Variants in CASK observed in about 807,000 individuals in gnomAD.
CASK encodes calcium/calmodulin dependent serine protein kinase, also known as peripheral plasma membrane protein CASK.
Under a neutral mutation model 82.9 loss-of-function variants are expected in CASK, and 4 were observed. The observed-to-expected ratio is 0.05, with a 90% CI of 0.02 to 0.11. CASK has a LOEUF of 0.11. CASK is among the 10% of genes least tolerant of loss of function. The pLI is 1.00. For synonymous variants in CASK, 259 were observed against 253.5 expected (o/e 1.02, Z -0.20); for missense variants, 358 against 720.9 (o/e 0.50, Z 5.76).
intron 15 of CASK, among the ~76,000 whole-genome samples, chrX:41,572,802 ATC>A (rs1272017629): frequency 1.8e-5 from 2 of 111,462 alleles, no homozygotes; most frequent in African/African-American, 6.5e-5. Flanking sequence ...TCAGATTTCA[ATC>A]TGTTATCGTT....
chrX:41,532,596 T>A (rs1401424033), intron 24 of CASK, among the ~76,000 whole-genome samples: 1 of 110,271 alleles, frequency 9.1e-6, no homozygotes, highest in African/African-American at 3.3e-5. Context: ...TCCCTTTTTT[T>A]CCCTCTCTCT....
intron 5 of CASK, among the ~76,000 whole-genome samples, chrX:41,706,437 T>C (rs767553145): frequency 2.1e-4 from 24 of 111,694 alleles, no homozygotes; most frequent in African/African-American, 6.2e-4. Flanking sequence ...TCTTTCTACA[T>C]CCTTTTAAGC....
chrX:41,867,803 G>C (rs2071618344), intron 1 of CASK, among the ~76,000 whole-genome samples: 1 of 112,206 alleles, frequency 8.9e-6, no homozygotes, highest in African/African-American at 3.2e-5. Context: ...TACAAAATCA[G>C]CTGTGACAAT....
At chrX:41,770,313 TATCCATCCATCC>T (rs772189964) in intron 3 of CASK, among the ~76,000 whole-genome samples, 1,213 of 95,706 alleles carry the variant, frequency 0.013, 19 homozygotes, top group African/African-American at 0.032. Context: ...CCTACCTACC[TATCCATCCATCC>T]ATCCATCCAT....
intron 5 of CASK, among the ~76,000 whole-genome samples, chrX:41,694,154 T>C (rs2067634522): frequency 8.9e-6 from 1 of 112,503 alleles, no homozygotes; most frequent in African/African-American, 3.2e-5. Flanking sequence ...TCAAAAGGTG[T>C]TTATTAAAGC....
At chrX:41,580,075 C>T (rs2065549938) in intron 14 of CASK, among the ~76,000 whole-genome samples, 1 of 111,604 alleles carries the variant, frequency 9.0e-6, no homozygotes, top group Non-Finnish European at 1.9e-5. Flanking sequence ...CACCAGTGCC[C>T]TAACTGCACC....
At chrX:41,692,800 C>T (rs773511998) in intron 5 of CASK, among the ~76,000 whole-genome samples, 4 of 111,854 alleles carry the variant, frequency 3.6e-5, no homozygotes, top group African/African-American at 9.8e-5. Flanking sequence ...TCAGACATCA[C>T]GTATCTAGGA....
intron 1 of CASK, among the ~76,000 whole-genome samples, chrX:41,894,711 T>C (rs748776225): frequency 2.3e-4 from 24 of 106,586 alleles, no homozygotes; most frequent in African/African-American, 8.3e-4. Context: ...CAGAATTCAA[T>C]AGGGAGCTTC....
intron 2 of CASK, among the ~76,000 whole-genome samples, chrX:41,832,525 G>A (rs1183334902): frequency 8.9e-6 from 1 of 112,445 alleles, no homozygotes; most frequent in African/African-American, 3.2e-5. Flanking sequence ...ACACCCAAGA[G>A]AACTGAAAAC....
At chrX:41,560,650 G>C (rs756407433) in intron 17 of CASK, among the ~76,000 whole-genome samples, 1 of 106,635 alleles carries the variant, frequency 9.4e-6, no homozygotes, top group Non-Finnish European at 1.9e-5. Flanking sequence ...CGGTACTTTG[G>C]GAGGCCAAGG....
In CASK at chrX:41,554,959, T is replaced by C. The variant is rs763028987; in HGVS notation, c.1842+641A>G. Among the ~76,000 whole-genome samples, 130 of 112,133 alleles carry C rather than the reference T, an allele frequency of 1.2e-3. No homozygotes were observed. In the Admixed American group the frequency reaches 0.012, roughly 11 times the overall value. ...AAGACTTTGGAACCACTGTGTGATT[T>C]TTCTGTTTATTTTCAGCAATCCAGC... is the stretch of plus-strand genomic sequence containing the variant. On this transcript the variant is annotated intron_variant, in intron 20 of 26. Transcript: ENST00000378163.
At chrX:41,728,728 C>A (rs935032439) in intron 5 of CASK, 1 of 121,925 alleles carries the variant, frequency 8.2e-6, no homozygotes, top group Admixed American at 9.6e-5. Flanking sequence ...GGAGGCAGAG[C>A]GAGACTCTGT....
intron 3 of CASK, among the ~76,000 whole-genome samples, chrX:41,778,985 T>C (rs2069419220): frequency 8.9e-6 from 1 of 111,839 alleles, no homozygotes; most frequent in African/African-American, 3.2e-5. Flanking sequence ...TATTTATCTC[T>C]ATTTTAGTTT....
intron 21 of CASK, among the ~76,000 whole-genome samples, chrX:41,546,735 C>T (rs2065028473): frequency 1.8e-5 from 2 of 110,957 alleles, no homozygotes; most frequent in Non-Finnish European, 3.8e-5. Flanking sequence ...ACCTCGGCCT[C>T]CCAAAGTGCA....
intron 11 of CASK, among the ~76,000 whole-genome samples, chrX:41,621,459 C>T (rs1382014265): frequency 8.9e-6 from 1 of 111,989 alleles, no homozygotes; most frequent in Non-Finnish European, 1.9e-5. Flanking sequence ...ACAGCCAGCC[C>T]TGTGAAGAGG....
chrX:41,722,554 A>G (rs775859954), intron 5 of CASK, among the ~76,000 whole-genome samples: 1 of 112,489 alleles, frequency 8.9e-6, no homozygotes, highest in South Asian at 3.7e-4. Context: ...TGAAAACCAA[A>G]TAAGACTTGG....
intron 5 of CASK, among the ~76,000 whole-genome samples, chrX:41,711,456 G>C (rs1180942290): frequency 1.8e-5 from 2 of 111,525 alleles, no homozygotes; most frequent in African/African-American, 6.5e-5. Flanking sequence ...ATGTGGTTTG[G>C]GAAGAGAAAG....
chrX:41,851,618 C>A (rs2071268326), intron 2 of CASK, among the ~76,000 whole-genome samples: 1 of 111,333 alleles, frequency 9.0e-6, no homozygotes, highest in African/African-American at 3.3e-5. Context: ...GAATTTGGTA[C>A]AACAATGAGA....
At position 41,531,018 on chromosome X, in the gene CASK, C is replaced by T. The variant is rs768962946; in HGVS notation, c.2509G>A (p.Val837Met). The T allele has an allele frequency of 2.5e-6, 3 of 1,208,239 alleles. No individual in the cohort carries two copies. The highest frequency in any genetic ancestry group is 3.0e-5 in the East Asian group (1 of 33,749). Residue 837 changes from valine to methionine, a missense_variant, in exon 25 of 27, where the codon GTG (valine) becomes ATG (methionine). Coordinates refer to ENST00000378163, the MANE Select transcript of CASK (RefSeq NM_001367721.1). ...AGGCTGGGCATTACCTGAGGCTCCA[C>T]GTCCAGTATTGCAATCAGCCCCTGC... is the stretch of plus-strand genomic sequence containing the variant. ...HEQGLIAILD[V>M]EPQALKVLRT... is the part of the protein sequence containing the mutation.
Sources: gnomAD v4.1 joint callset for allele counts (sites outside exome capture counted in the v4.1 genomes callset) on GRCh38, gnomAD v4.1.1 for gene constraint, MANE v1.5 for transcripts, NCBI Gene and HGNC (gene_info 2026-07-23, HGNC 2026-07-21) for gene names.